Variants in LMBRD2 observed in about 807,000 individuals in gnomAD.
The protein encoded by LMBRD2 is LMBR1 domain containing 2.
LMBRD2 carries 55 observed loss-of-function variants against 94.4 expected under a neutral mutation model. That is an observed-to-expected ratio of 0.58 (90% confidence interval 0.47 to 0.73). The LOEUF is 0.73. Ranked by LOEUF, LMBRD2 falls within the 30% of genes least tolerant of loss-of-function variation. The probability of loss-of-function intolerance (pLI) is 0.00; values close to 1 mark genes in which losing one functional copy is unlikely to be tolerated. For missense variants in LMBRD2, 640 were observed against 831.9 expected (o/e 0.77, Z 2.84); for synonymous variants, 246 against 272.4 (o/e 0.90, Z 0.95).
At chr5:36,105,697 T>C (rs1214141662) in intron 16 of LMBRD2, among the ~76,000 whole-genome samples, 2 of 152,190 alleles carry the variant, frequency 1.3e-5, no homozygotes, top group African/African-American at 4.8e-5. Context: ...AGTAGCTATA[T>C]TAAAAAGTAA....
Position 36,117,683 on chromosome 5 carries a change from G to C in LMBRD2, c.1302+52C>G, listed in dbSNP as rs80114177. 5.8e-3 allele frequency: 7,385 copies of C among 1,281,582 alleles called. 352 individuals carry two copies. In the East Asian group the frequency reaches 0.095, roughly 17 times the overall value. 79.4% of individuals were successfully genotyped at this position (1,281,582 alleles called of 1,614,324 possible). ...AGAAATACATGGAGAAAATAGTTAA[G>C]GATTATACTATGAAGTGACATCTAT... On this transcript the variant is annotated intron_variant, in intron 10 of 17. Coordinates refer to ENST00000296603, the MANE Select transcript of LMBRD2 (RefSeq NM_001007527.2).
intron 4 of LMBRD2, among the ~76,000 whole-genome samples, chr5:36,140,113 G>A (rs958440074): frequency 6.6e-6 from 1 of 152,222 alleles, no homozygotes; most frequent in Non-Finnish European, 1.5e-5. Flanking sequence ...GCATCTCCAA[G>A]CTTCTGGGTA....
intron 8 of LMBRD2, 88 bp downstream of exon 8, chr5:36,122,760 T>G (rs550605938): frequency 7.6e-5 from 109 of 1,440,070 alleles, no homozygotes; most frequent in Non-Finnish European, 1.8e-6. Flanking sequence ...AAATACACAT[T>G]CACTAAAAAT....
chr5:36,140,734 G>T (rs753381089), intron 4 of LMBRD2, among the ~76,000 whole-genome samples: 1 of 152,114 alleles, frequency 6.6e-6, no homozygotes, highest in African/African-American at 2.4e-5. Context: ...GAAGTTTGAA[G>T]TGAATGGAAA....
At chr5:36,136,173 T>A (rs1051320568) in intron 6 of LMBRD2, 136 bp downstream of exon 6, 6 of 775,164 alleles carry the variant, frequency 7.7e-6, no homozygotes, top group African/African-American at 6.8e-5. Flanking sequence ...GGATGAGACA[T>A]CCTGAAGGAT....
intron 1 of LMBRD2, among the ~76,000 whole-genome samples, chr5:36,147,462 C>G (rs929048548): frequency 1.2e-4 from 19 of 152,012 alleles, no homozygotes; most frequent in Non-Finnish European, 2.1e-4. Flanking sequence ...TGATTATACT[C>G]GAAATCAAAA....
rs1051370665 is a variant in LMBRD2, at chr5:36,099,715, A to T, written c.*4331T>A. On this transcript the variant is annotated 3_prime_UTR_variant, in exon 18 of 18. Transcript: ENST00000296603. ...AATAATCTGAGATCAAGATAACCAAAAAAGGAAATATTTTCAGTGAAAAAA... is the reference window on the plus strand; with the variant it reads ...AATAATCTGAGATCAAGATAACCAATAAAGGAAATATTTTCAGTGAAAAAA... 6.6e-6 allele frequency: 1 copy of T among 152,186 alleles called. No homozygotes were observed. Among genetic ancestry groups the T allele is most frequent in the Non-Finnish European group, 1.5e-5 (1 of 68,018 alleles). 9.4% of individuals were successfully genotyped at this position (152,186 alleles called of 1,614,324 possible).
At chr5:36,146,473 T>C (rs942282253) in intron 1 of LMBRD2, among the ~76,000 whole-genome samples, 5 of 152,178 alleles carry the variant, frequency 3.3e-5, no homozygotes, top group African/African-American at 4.8e-5. Context: ...TGGGCTCAAC[T>C]GATCCTCCCA....
chr5:36,150,109 AG>A (rs1472592542), intron 1 of LMBRD2, among the ~76,000 whole-genome samples: 1 of 152,212 alleles, frequency 6.6e-6, no homozygotes, highest in African/African-American at 2.4e-5. Context: ...ATTAGAAGGA[AG>A]GCAAAAAAAA....
chr5:36,100,832 CTA>C lies in LMBRD2; in HGVS notation c.*3212_*3213del, dbSNP rs1743332285. 6.6e-6 allele frequency: 1 copy of C among 151,960 alleles called. No individual in the cohort carries two copies. Among genetic ancestry groups the C allele is most frequent in the African/African-American group, 2.4e-5 (1 of 41,398 alleles). 9.4% of individuals were successfully genotyped at this position (151,960 alleles called of 1,614,324 possible). On this transcript the variant is annotated 3_prime_UTR_variant, in exon 18 of 18. Transcript: ENST00000296603. ...ACACCAGCAAGAACATTCCCTAAAC[CTA>C]TTAATAAGAATGAGGTTTGTAACTG...
rs1743356336 is a variant in LMBRD2 at position 36,102,061 on chromosome 5, C to T, written c.*1985G>A. On this transcript the variant is annotated 3_prime_UTR_variant, in exon 18 of 18. Coordinates refer to ENST00000296603, the MANE Select transcript of LMBRD2 (RefSeq NM_001007527.2). ...TAAACCCAAAGACTAAATAAAACAA[C>T]ACTACTTTCACAGGACTTTTGATGA... is the stretch of plus-strand genomic sequence containing the variant. 1 of 151,872 alleles carries T rather than the reference C, an allele frequency of 6.6e-6. No homozygotes were observed. The highest frequency in any genetic ancestry group is 1.5e-5 in the Non-Finnish European group (1 of 67,842). 9.4% of individuals were successfully genotyped at this position (151,872 alleles called of 1,614,324 possible). A position where few individuals can be genotyped will look rare whatever the true frequency, so the allele number is the denominator to read the frequency against.
At chr5:36,129,945 C>A (rs1043486718) in intron 6 of LMBRD2, among the ~76,000 whole-genome samples, 2 of 152,070 alleles carry the variant, frequency 1.3e-5, no homozygotes, top group South Asian at 2.1e-4. Context: ...GACAAAAAAA[C>A]CAAACACCGC....
chr5:36,121,934 CT>C (rs1303955911), intron 9 of LMBRD2, among the ~76,000 whole-genome samples: 2 of 152,124 alleles, frequency 1.3e-5, no homozygotes, highest in Non-Finnish European at 2.9e-5. Context: ...CCCTATGATG[CT>C]CATGCAGTGA....
intron 13 of LMBRD2, among the ~76,000 whole-genome samples, chr5:36,113,058 A>G (rs1743650166): frequency 1.3e-5 from 2 of 152,284 alleles, no homozygotes; most frequent in Admixed American, 6.5e-5. Context: ...ATATTGTCTT[A>G]TGCCCTATTT....
intron 1 of LMBRD2, among the ~76,000 whole-genome samples, chr5:36,144,862 T>C (rs992558556): frequency 1.3e-5 from 2 of 152,200 alleles, no homozygotes; most frequent in African/African-American, 4.8e-5. Context: ...AAAAATCACA[T>C]TTAATGAACA....
rs769233867 is a variant in LMBRD2, at chr5:36,104,044, C to T, written c.*2G>A. 1.9e-6 allele frequency: 3 copies of T among 1,608,964 alleles called. No homozygotes were observed. Among genetic ancestry groups the T allele is most frequent in the Non-Finnish European group, 2.5e-6 (3 of 1,176,588 alleles). ...TAGTGGTCCCACAAACTTTTTCAGA[C>T]TTTAAACATCATTAAATATGTCACT... is the stretch of plus-strand genomic sequence containing the variant. On this transcript the variant is annotated 3_prime_UTR_variant, in exon 18 of 18. Transcript: ENST00000296603.
chr5:36,133,077 A>G (rs1744191209), intron 6 of LMBRD2, among the ~76,000 whole-genome samples: 1 of 152,000 alleles, frequency 6.6e-6, no homozygotes, highest in Non-Finnish European at 1.5e-5. Flanking sequence ...GGAAATCACT[A>G]TATCAAAGAA....
At chr5:36,131,811 T>C (rs539612982) in intron 6 of LMBRD2, among the ~76,000 whole-genome samples, 1 of 152,188 alleles carries the variant, frequency 6.6e-6, no homozygotes, top group South Asian at 2.1e-4. Context: ...ATGCAAGGAA[T>C]TGAAGAGGAC....
intron 6 of LMBRD2, among the ~76,000 whole-genome samples, chr5:36,129,737 T>G (rs920018171): frequency 6.6e-6 from 1 of 152,186 alleles, no homozygotes; most frequent in African/African-American, 2.4e-5. Flanking sequence ...ATGACTGCGG[T>G]GTGAAAACTA....
Sources: gnomAD v4.1 joint callset for allele counts (sites outside exome capture counted in the v4.1 genomes callset) on GRCh38, gnomAD v4.1.1 for gene constraint, MANE v1.5 for transcripts, NCBI Gene and HGNC (gene_info 2026-07-23, HGNC 2026-07-21) for gene names.